Variants in FOXN3 observed in about 807,000 individuals in gnomAD.
FOXN3 encodes forkhead box protein N3.
In FOXN3, 7 loss-of-function variants were observed where a neutral mutation model predicts 38.4. The ratio of observed to expected loss-of-function variants is 0.18; its 90% confidence interval spans 0.10 to 0.34. The LOEUF (loss-of-function observed/expected upper bound fraction) is 0.34. Ranked by LOEUF, FOXN3 falls within the 10% of genes least tolerant of loss-of-function variation. The pLI is 1.00. For missense variants in FOXN3, 456 were observed against 613.4 expected, an observed-to-expected ratio of 0.74 and a Z score of 2.71; for synonymous variants, 230 against 242.2, an observed-to-expected ratio of 0.95 and a Z score of 0.47.
At chr14:89,360,121 C>A (rs573448077) in intron 2 of FOXN3, among the ~76,000 whole-genome samples, 2 of 152,128 alleles carry the variant, frequency 1.3e-5, no homozygotes, top group Non-Finnish European at 2.9e-5. Context: ...GTTAATTCCC[C>A]GGGGCCCCTG....
At chr14:89,478,977 T>C (rs1359895861) in intron 1 of FOXN3, among the ~76,000 whole-genome samples, 2 of 120,160 alleles carry the variant, frequency 1.7e-5, no homozygotes, top group African/African-American at 6.1e-5. Flanking sequence ...ACAAGGCAAA[T>C]ATCCCTACCC....
At chr14:89,277,505 C>T (rs1192680562) in intron 4 of FOXN3, among the ~76,000 whole-genome samples, 2 of 152,130 alleles carry the variant, frequency 1.3e-5, no homozygotes, top group Non-Finnish European at 2.9e-5. Flanking sequence ...ATGTTAAGTA[C>T]CCATGCCTGG....
intron 3 of FOXN3, among the ~76,000 whole-genome samples, chr14:89,299,998 G>A (rs1225163494): frequency 6.6e-6 from 1 of 152,142 alleles, no homozygotes; most frequent in Non-Finnish European, 1.5e-5. Context: ...TCCCAGCACA[G>A]CAGCATCATT....
intron 1 of FOXN3, among the ~76,000 whole-genome samples, chr14:89,493,226 A>C (rs1265530133): frequency 6.6e-6 from 1 of 152,230 alleles, no homozygotes; most frequent in African/African-American, 2.4e-5. Flanking sequence ...ATGCAGGCTT[A>C]AATCGAATAA....
Position 89,434,519 on chromosome 14 carries a change from C to G in FOXN3, c.-14-22029G>C, listed in dbSNP as rs560751091. Among the ~76,000 whole-genome samples, 3 of 152,204 alleles carry G rather than the reference C, an allele frequency of 2.0e-5. No homozygotes were observed. The East Asian group carries it at 5.8e-4, about 29-fold the overall frequency. ...TGCTGGGATTACAGATGTGAGCCAC[C>G]GTGCCTGGCCTTATCAGAATCTTAA... On this transcript the variant is annotated intron_variant, in intron 1 of 6. Transcript: ENST00000345097.
intron 4 of FOXN3, among the ~76,000 whole-genome samples, chr14:89,189,401 G>A (rs921166367): frequency 7.9e-5 from 12 of 152,328 alleles, no homozygotes; most frequent in African/African-American, 2.4e-4. Flanking sequence ...GAAGGAGATA[G>A]GTGAGTGCCA....
At position 89,512,695 on chromosome 14, in the gene FOXN3, T is replaced by C. The variant is rs7154690; in HGVS notation, c.-14-100205A>G. Among the ~76,000 whole-genome samples, 881 of 152,352 alleles carry C rather than the reference T, an allele frequency of 5.8e-3. 5 individuals carry two copies. The highest frequency in any genetic ancestry group is 0.02 in the African/African-American group (829 of 41,582). ...AGAGAGCCCTACCGCACAACTGCTG[T>C]TTCTCAACTGCCTTCAGCTCAAAAT... On this transcript the variant is annotated intron_variant, in intron 1 of 6. Coordinates refer to the FOXN3 transcript ENST00000345097.
At chr14:89,607,187 C>A (rs1200990250) in intron 1 of FOXN3, among the ~76,000 whole-genome samples, 1 of 152,136 alleles carries the variant, frequency 6.6e-6, no homozygotes, top group Non-Finnish European at 1.5e-5. Context: ...CATTAAGATG[C>A]TGGAGAGCAG....
upstream of FOXN3, among the ~76,000 whole-genome samples, chr14:89,420,630 G>A (rs1891878684): frequency 1.3e-5 from 2 of 152,192 alleles, no homozygotes; most frequent in African/African-American, 2.4e-5. Flanking sequence ...TGACTTGATT[G>A]TAGTAGAAGA....
chr14:89,200,307 G>T (rs1285201197), intron 4 of FOXN3, among the ~76,000 whole-genome samples: 2 of 152,178 alleles, frequency 1.3e-5, no homozygotes, highest in South Asian at 2.1e-4. Context: ...CCAACAGGGG[G>T]CATCTTTCTA....
chr14:89,521,768 A>C (rs1894323831), intron 1 of FOXN3, among the ~76,000 whole-genome samples: 3 of 152,164 alleles, frequency 2.0e-5, no homozygotes, highest in Admixed American at 2.0e-4. Context: ...AAAATAGCGA[A>C]TTTACTGAGG....
intron 1 of FOXN3, among the ~76,000 whole-genome samples, chr14:89,520,009 CT>C (rs1399574593): frequency 6.9e-6 from 1 of 144,612 alleles, no homozygotes; most frequent in Non-Finnish European, 1.5e-5. Context: ...TTCTTTTTTT[CT>C]TTTTTTCTTT....
intron 1 of FOXN3, among the ~76,000 whole-genome samples, chr14:89,561,276 A>C (rs1895243883): frequency 6.6e-6 from 1 of 152,250 alleles, no homozygotes; most frequent in Non-Finnish European, 1.5e-5. Flanking sequence ...GCAAGAGTGC[A>C]ATCTCGGCTC....
intron 3 of FOXN3, among the ~76,000 whole-genome samples, chr14:89,315,888 T>A (rs1485719559): frequency 6.6e-6 from 1 of 152,148 alleles, no homozygotes; most frequent in Admixed American, 6.5e-5. Flanking sequence ...CCCATGCAGA[T>A]GGTGAGTGGA....
At chr14:89,248,434 C>G (rs1410934651) in intron 4 of FOXN3, among the ~76,000 whole-genome samples, 1 of 152,174 alleles carries the variant, frequency 6.6e-6, no homozygotes, top group East Asian at 1.9e-4. Flanking sequence ...TAATACTCTC[C>G]CCATCCCTGT....
intron 1 of FOXN3, among the ~76,000 whole-genome samples, chr14:89,506,464 C>A (rs1288437873): frequency 6.9e-6 from 1 of 144,866 alleles, no homozygotes; most frequent in African/African-American, 2.6e-5. Flanking sequence ...GGGGGGTCAG[C>A]CCCCCACCCG....
chr14:89,316,587 C>T (rs1887725168), intron 3 of FOXN3, among the ~76,000 whole-genome samples: 1 of 150,820 alleles, frequency 6.6e-6, no homozygotes, highest in Admixed American at 6.6e-5. Flanking sequence ...TCTCGAACTC[C>T]TGGGCTCAAG....
chr14:89,505,334 G>A (rs553225761), intron 1 of FOXN3, among the ~76,000 whole-genome samples: 68 of 147,150 alleles, frequency 4.6e-4, no homozygotes, highest in Non-Finnish European at 8.0e-4. Context: ...AGCCGAGGCT[G>A]GACTGTGCTG....
chr14:89,580,015 T>C (rs2139908852), intron 1 of FOXN3, among the ~76,000 whole-genome samples: 1 of 152,248 alleles, frequency 6.6e-6, no homozygotes, highest in African/African-American at 2.4e-5. Context: ...AAAAATGAGG[T>C]TCCCAGGGTT....
Sources: gnomAD v4.1 joint callset for allele counts (sites outside exome capture counted in the v4.1 genomes callset) on GRCh38, gnomAD v4.1.1 for gene constraint, MANE v1.5 for transcripts, NCBI Gene and HGNC (gene_info 2026-07-23, HGNC 2026-07-21) for gene names.